The following KANK1 variants were observed in gnomAD, a reference collection of about 807,000 sequenced individuals.
KANK1 encodes the protein KN motif and ankyrin repeat domain-containing protein 1.
KANK1 carries 109 observed loss-of-function variants against 106.2 expected under a neutral mutation model. The observed-to-expected ratio is 1.03, with a 90% CI of 0.88 to 1.20. KANK1 has a LOEUF of 1.20. KANK1 is among the 50% of genes most tolerant of loss of function. KANK1 has a pLI of 0.00. For missense variants in KANK1, 2,399 were observed against 1,710.7 expected, an observed-to-expected ratio of 1.40 and a Z score of -7.10; for synonymous variants, 873 against 652.2, an observed-to-expected ratio of 1.34 and a Z score of -5.16.
intron 1 of KANK1, among the ~76,000 whole-genome samples, chr9:576,529 C>T (rs529139950): frequency 6.6e-6 from 1 of 152,204 alleles, no homozygotes; most frequent in Non-Finnish European, 1.5e-5. Flanking sequence ...TTGGGTACTT[C>T]ATCATTTTCT....
intron 1 of KANK1, among the ~76,000 whole-genome samples, chr9:577,559 G>A (rs1275950804): frequency 6.6e-6 from 1 of 152,156 alleles, no homozygotes; most frequent in African/African-American, 2.4e-5. Context: ...AGCTCAGCCG[G>A]CTTCACCTCT....
intron 6 of KANK1, chr9:733,966 G>C (rs938021499): frequency 6.6e-6 from 1 of 151,566 alleles, no homozygotes; most frequent in South Asian, 2.1e-4. Context: ...ATACAAAGCC[G>C]GGTGTGGTGG....
rs1027129401 is a variant in KANK1 at position 732,466 on chromosome 9, C to G, written c.3094C>G (p.Leu1032Val). The change falls in exon 6 of 12, where the codon CTT (leucine) becomes GTT (valine). Residue 1032 changes from leucine to valine, a missense_variant. By Grantham distance (32) the Leu-to-Val change is conservative. Transcript: ENST00000382297. ...CGAGTGTGATGTCATTGAGTATCCTCTTGAAGAAGAGGAGGAGGAGGAGGA... is the reference window on the plus strand; with the variant it reads ...CGAGTGTGATGTCATTGAGTATCCTGTTGAAGAAGAGGAGGAGGAGGAGGA... ...DDECDVIEYP[L>V]EEEEEEEDED... 2.5e-6 allele frequency: 4 copies of G among 1,613,950 alleles called. No individual in the cohort carries two copies. The African/African-American group carries it at 5.3e-5, about 22-fold the overall frequency.
Position 730,149 on chromosome 9 carries a change from G to A in KANK1, c.2797G>A (p.Glu933Lys), listed in dbSNP as rs756321528. The A allele has an allele frequency of 6.8e-6, 11 of 1,614,072 alleles. No individual in the cohort carries two copies. The highest frequency in any genetic ancestry group is 3.3e-5 in the South Asian group (3 of 91,084). ...SQPEQEVGTS[E>K]GKPISSLDAF... is the part of the protein sequence containing the mutation. Reference sequence around the variant, plus strand: ...GCCTGAGCAAGAAGTGGGGACCTCAGAAGGAAAGCCAATCAGCAGCCTGGA... The same window carrying A: ...GCCTGAGCAAGAAGTGGGGACCTCAAAAGGAAAGCCAATCAGCAGCCTGGA... Residue 933 changes from glutamate to lysine, a missense_variant, in exon 4 of 12, where the codon GAA (glutamate) becomes AAA (lysine). Transcript: ENST00000382297.
At chr9:675,517 TC>T (rs1816233580) in intron 1 of KANK1, among the ~76,000 whole-genome samples, 1 of 152,208 alleles carries the variant, frequency 6.6e-6, no homozygotes, top group Non-Finnish European at 1.5e-5. Context: ...TATTTTTTTT[TC>T]TTTTTTTGTT....
At chr9:743,564 C>T (rs201408510) in intron 10 of KANK1, among the ~76,000 whole-genome samples, 35 of 152,090 alleles carry the variant, frequency 2.3e-4, no homozygotes, top group African/African-American at 3.4e-4. Context: ...GAGGGAAATC[C>T]GTATTTCAAG....
chr9:666,350 A>G (rs1441466675), intron 1 of KANK1, among the ~76,000 whole-genome samples: 3 of 152,128 alleles, frequency 2.0e-5, no homozygotes, highest in East Asian at 1.9e-4. Flanking sequence ...TATTACTTCT[A>G]ATAGTTTTTT....
chr9:517,099 C>T (rs1448036057), intron 1 of KANK1, among the ~76,000 whole-genome samples: 1 of 151,468 alleles, frequency 6.6e-6, no homozygotes, highest in Non-Finnish European at 1.5e-5. Flanking sequence ...ATTCAGCAAG[C>T]TGTTTGTGTT....
At chr9:544,905 T>G (rs1275605901) in intron 1 of KANK1, among the ~76,000 whole-genome samples, 1 of 151,960 alleles carries the variant, frequency 6.6e-6, no homozygotes, top group African/African-American at 2.4e-5. Context: ...CACTGGCAAG[T>G]TTTAAGTTGG....
chr9:604,735 C>T (rs7033854), intron 1 of KANK1, among the ~76,000 whole-genome samples: 53,869 of 151,534 alleles, frequency 0.36, 11,281 homozygotes, highest in South Asian at 0.55. Flanking sequence ...GAAGCTGAGG[C>T]AGGAGAATCG....
At chr9:579,472 C>T (rs1241078056) in intron 1 of KANK1, among the ~76,000 whole-genome samples, 1 of 152,188 alleles carries the variant, frequency 6.6e-6, no homozygotes, top group Non-Finnish European at 1.5e-5. Flanking sequence ...CAGCTCCATC[C>T]TCACCTTTCT....
intron 9 of KANK1, among the ~76,000 whole-genome samples, chr9:741,301 G>T (rs1375654731): frequency 6.6e-6 from 1 of 151,594 alleles, no homozygotes; most frequent in Non-Finnish European, 1.5e-5. Context: ...CAGTGTCCCA[G>T]GTCCAGATGT....
chr9:641,006 A>G (rs1480876496), intron 1 of KANK1, among the ~76,000 whole-genome samples: 1 of 152,116 alleles, frequency 6.6e-6, no homozygotes, highest in Non-Finnish European at 1.5e-5. Flanking sequence ...ACCACTTTTA[A>G]ATGTCTGTGT....
chr9:627,066 G>A (rs1311907303), intron 1 of KANK1, among the ~76,000 whole-genome samples: 4 of 152,090 alleles, frequency 2.6e-5, no homozygotes, highest in Admixed American at 2.0e-4. Context: ...AAAAAAAGGT[G>A]GGGGTTGGAC....
At chr9:534,479 G>A (rs549421220) in intron 1 of KANK1, among the ~76,000 whole-genome samples, 6 of 152,266 alleles carry the variant, frequency 3.9e-5, no homozygotes, top group Admixed American at 2.0e-4. Flanking sequence ...GGAAAATGCC[G>A]CTCTTAAGCA....
chr9:537,892 T>G (rs2060386286), intron 1 of KANK1, among the ~76,000 whole-genome samples: 1 of 152,240 alleles, frequency 6.6e-6, no homozygotes, highest in African/African-American at 2.4e-5. Flanking sequence ...CTTATTTTCG[T>G]GTGTCTTAAC....
At chr9:655,086 C>G (rs1302798473) in intron 1 of KANK1, among the ~76,000 whole-genome samples, 1 of 152,040 alleles carries the variant, frequency 6.6e-6, no homozygotes, top group Non-Finnish European at 1.5e-5. Flanking sequence ...TAATAATCAT[C>G]CAGCCGGGCG....
Position 622,512 on chromosome 9 carries a change from C to T in KANK1, c.-83-54378C>T, listed in dbSNP as rs80316834. 8.0e-3 allele frequency among the ~76,000 whole-genome samples: 1,210 copies of T among 152,154 alleles called. 48 individuals are homozygous for T. Among genetic ancestry groups the T allele is most frequent in the East Asian group, 0.07 (363 of 5,180 alleles). Reference sequence around the variant, plus strand: ...GCAATGGGGGAAAGGACAGTCTCTTCGAAGAATACTGTTGGGAAAACTGGA... The same window carrying T: ...GCAATGGGGGAAAGGACAGTCTCTTTGAAGAATACTGTTGGGAAAACTGGA... On this transcript the variant is annotated intron_variant, in intron 1 of 11. Transcript: ENST00000382297.
chr9:688,309 T>C (rs907998171), intron 2 of KANK1, among the ~76,000 whole-genome samples: 1 of 152,178 alleles, frequency 6.6e-6, no homozygotes, highest in Admixed American at 6.5e-5. Context: ...TAAGGCAGGC[T>C]TAAGATGGTG....
Sources: gnomAD v4.1 joint callset for allele counts (sites outside exome capture counted in the v4.1 genomes callset) on GRCh38, gnomAD v4.1.1 for gene constraint, MANE v1.5 for transcripts, NCBI Gene and HGNC (gene_info 2026-07-23, HGNC 2026-07-21) for gene names.